Variants in SKOR2 observed in about 807,000 individuals in gnomAD.
SKOR2 encodes the protein SKI family transcriptional corepressor 2, also known as LBX1 corepressor 1-like protein.
SKOR2 carries 47 observed loss-of-function variants against 69.1 expected under a neutral mutation model. The ratio of observed to expected loss-of-function variants is 0.68; its 90% CI spans 0.54 to 0.87. SKOR2 has a LOEUF of 0.87. Among genes scored for constraint, SKOR2 ranks in the 40% least tolerant of loss-of-function variants. SKOR2 has a pLI of 0.00. For missense variants in SKOR2, 1,404 were observed against 1,472.2 expected (o/e 0.95, Z 0.76); for synonymous variants, 717 against 672.6 (o/e 1.07, Z -1.02).
In SKOR2 at chr18:47,209,180, G is replaced by A. The variant is rs191740497; in HGVS notation, c.*4-2288C>T. ...AAAAAAATGTGCAGATCAGTGATAT[G>A]TGGCAGTACTCGCTCAGCTTATTAA... On this transcript the variant is annotated intron_variant, in intron 8 of 8. Transcript: ENST00000425639. Among the ~76,000 whole-genome samples the A allele has an allele frequency of 2.8e-4, 43 of 152,166 alleles. No individual in the cohort carries two copies. The East Asian group carries it at 6.8e-3, about 24-fold the overall frequency.
Position 47,208,566 on chromosome 18 carries a change from A to G in SKOR2, c.*4-1674T>C, listed in dbSNP as rs117169583. Among the ~76,000 whole-genome samples, 449 of 152,334 alleles carry G rather than the reference A, an allele frequency of 2.9e-3. 9 individuals carry two copies. In the East Asian group the frequency reaches 0.058, roughly 20 times the overall value. ...TGCAAAATGTTTAAATGTGTTTGGG[A>G]GAAAATGAATGTAAAGTAATAATTA... is the stretch of plus-strand genomic sequence containing the variant. On this transcript the variant is annotated intron_variant, in intron 8 of 8. Coordinates refer to ENST00000425639, the MANE Select transcript of SKOR2 (RefSeq NM_001278063.4).
At chr18:47,224,615 T>C (rs1366592153) in intron 6 of SKOR2, among the ~76,000 whole-genome samples, 1 of 108,360 alleles carries the variant, frequency 9.2e-6, no homozygotes, top group African/African-American at 4.3e-5. Context: ...TAAAGAACCA[T>C]TGAACTTTTT....
intron 4 of SKOR2, among the ~76,000 whole-genome samples, chr18:47,237,360 C>T (rs1005179248): frequency 3.3e-5 from 5 of 152,172 alleles, no homozygotes; most frequent in Admixed American, 6.5e-5. Context: ...TATTAATTAG[C>T]GTATATGTCT....
rs35581562 is a variant in SKOR2 at position 47,223,903 on chromosome 18, C to CT, written c.2918-3894dup. Among the ~76,000 whole-genome samples the CT allele has an allele frequency of 2.6e-4, 38 of 146,146 alleles. 1 individual carries two copies. The highest frequency in any genetic ancestry group is 1.3e-3 in the Admixed American group (19 of 14,638). ...AAAAATCTAAAATTTTTTCTATGTTCTTTTTTTTTTTTTTAAATTTGAGGC... is the reference window on the plus strand; with the variant it reads ...AAAAATCTAAAATTTTTTCTATGTTCTTTTTTTTTTTTTTTAAATTTGAGGC... On this transcript the variant is annotated intron_variant, in intron 6 of 8. Transcript: ENST00000425639.
intron 1 of SKOR2, among the ~76,000 whole-genome samples, chr18:47,250,592 T>A (rs2064308083): frequency 6.6e-6 from 1 of 152,216 alleles, no homozygotes; most frequent in Non-Finnish European, 1.5e-5. Context: ...GTACACGATC[T>A]TACTCCCTCA....
intron 4 of SKOR2, among the ~76,000 whole-genome samples, chr18:47,233,532 G>T (rs144938102): frequency 1.5e-4 from 23 of 152,312 alleles, no homozygotes; most frequent in Non-Finnish European, 2.6e-4. Context: ...ATACAATATT[G>T]AATCTGAACA....
intron 6 of SKOR2, among the ~76,000 whole-genome samples, chr18:47,221,743 T>C (rs565377683): frequency 6.6e-6 from 1 of 152,344 alleles, no homozygotes; most frequent in South Asian, 2.1e-4. Flanking sequence ...CATGCTATGA[T>C]TAGTTGTTAT....
At chr18:47,237,438 A>G (rs1373007181) in intron 4 of SKOR2, among the ~76,000 whole-genome samples, 1 of 152,352 alleles carries the variant, frequency 6.6e-6, no homozygotes, top group East Asian at 1.9e-4. Flanking sequence ...AGCCAAACGA[A>G]TGGTCAGGTG....
In SKOR2 at chr18:47,247,077, G is replaced by A; in HGVS notation, c.2107C>T (p.Pro703Ser). 7.2e-7 allele frequency: 1 copy of A among 1,386,680 alleles called. No individual in the cohort carries two copies. The highest frequency in any genetic ancestry group is 9.3e-7 in the Non-Finnish European group (1 of 1,074,368). The allele number at this position is 1,386,680 out of a possible 1,614,324, so 85.9% of individuals were successfully genotyped here. ...PAPPPPPPPP[P>S]PPPLAQHPHH... ...GGGTGCTGGGCCAGAGGGGGCGGCG[G>A]GGGCGGCGGCGGCGGCGGCGGCGGG... Residue 703 changes from proline (P) to serine (S), a missense_variant, in exon 2 of 9, where the codon CCG (proline) becomes TCG (serine). Transcript: ENST00000425639. This position sits in a 1 kb window ranked among gnomAD's most constrained non-coding sequence, Gnocchi z 6.6.
intron 6 of SKOR2, among the ~76,000 whole-genome samples, chr18:47,224,308 C>T (rs1416794462): frequency 6.6e-6 from 1 of 152,194 alleles, no homozygotes; most frequent in Non-Finnish European, 1.5e-5. Flanking sequence ...TATAACCCAA[C>T]TATTTTTGGA....
At chr18:47,211,067 A>G (rs2144473801) in intron 8 of SKOR2, among the ~76,000 whole-genome samples, 1 of 152,354 alleles carries the variant, frequency 6.6e-6, no homozygotes, top group Admixed American at 6.5e-5. Flanking sequence ...TAATAAAGAT[A>G]ATGGCAAGAA....
rs1476866672 is a variant in SKOR2, at chr18:47,248,173, AGAGAGGCTGGCGGCTGCGGCC to A, written c.990_1010del (p.Ala331_Ser337del). 114 of 1,239,626 alleles carry A rather than the reference AGAGAGGCTGGCGGCTGCGGCC, an allele frequency of 9.2e-5. No homozygotes were observed. The Admixed American group carries it at 1.0e-3, about 11-fold the overall frequency. The allele number at this position is 1,239,626 out of a possible 1,614,324, so 76.8% of individuals were successfully genotyped here. A position where few individuals can be genotyped will look rare whatever the true frequency, so the allele number is the denominator to read the frequency against. ...CCGCGCCGCCCGAAGCAGCAGCCAC[AGAGAGGCTGGCGGCTGCGGCC>A]GAGAGGCTGGCGGCGGCCACTACGG... On this transcript the variant is annotated inframe_deletion, in exon 2 of 9. Transcript: ENST00000425639. This position sits in a 1 kb window ranked among gnomAD's most constrained non-coding sequence, Gnocchi z 6.4.
intron 4 of SKOR2, among the ~76,000 whole-genome samples, chr18:47,238,196 A>AT (rs941298557): frequency 2.0e-5 from 3 of 151,916 alleles, no homozygotes; most frequent in African/African-American, 7.3e-5. Flanking sequence ...TTTTGTTTTG[A>AT]TTTTTTTTAA....
At chr18:47,212,875 G>A (rs1005835631) in intron 7 of SKOR2, among the ~76,000 whole-genome samples, 3 of 152,078 alleles carry the variant, frequency 2.0e-5, no homozygotes, top group Admixed American at 2.0e-4. Flanking sequence ...GAGGTGGGAA[G>A]AACGCTTGAG....
intron 6 of SKOR2, among the ~76,000 whole-genome samples, chr18:47,225,989 G>A (rs1366880424): frequency 6.6e-6 from 1 of 152,114 alleles, no homozygotes; most frequent in Non-Finnish European, 1.5e-5. Context: ...AGAGTTTTAG[G>A]AAGACAGGGC....
At chr18:47,246,401 T>A (rs1481579020) in intron 2 of SKOR2, among the ~76,000 whole-genome samples, 170 bp downstream of exon 2, 3 of 152,218 alleles carry the variant, frequency 2.0e-5, no homozygotes, top group Admixed American at 2.0e-4. Context: ...GAAACCACAT[T>A]TTTACGGAGG....
At position 47,247,878 on chromosome 18, in the gene SKOR2, C is replaced by T. The variant is rs1391210286; in HGVS notation, c.1306G>A (p.Gly436Ser). Reference protein sequence around the residue: ...DAGAAAEALGGAGAGGAGAAP... With the variant: ...DAGAAAEALGSAGAGGAGAAP... Reference sequence around the variant, plus strand: ...GCGCCCGCGCCGCCTGCGCCCGCGCCCCCCAGGGCCTCAGCGGCGGCACCC... The same window carrying T: ...GCGCCCGCGCCGCCTGCGCCCGCGCTCCCCAGGGCCTCAGCGGCGGCACCC... The change falls in exon 2 of 9, where the codon GGC becomes AGC. Residue 436 changes from glycine (G) to serine (S), a missense_variant. Physicochemically the swap from Gly to Ser is moderately conservative, Grantham distance 56 (BLOSUM62 0). This residue lies in a region of SKOR2 where 1,266 missense variants were observed against 1,309.9 expected (regional missense o/e 0.97). Coordinates refer to ENST00000425639, the MANE Select transcript of SKOR2 (RefSeq NM_001278063.4). The surrounding 1 kb of genome is among the most constrained non-coding windows in gnomAD (Gnocchi z 6.6). 5 of 1,356,070 alleles carry T rather than the reference C, an allele frequency of 3.7e-6. No individual in the cohort carries two copies. The highest frequency in any genetic ancestry group is 3.7e-5 in the South Asian group (2 of 54,406). The allele number at this position is 1,356,070 out of a possible 1,614,324, so 84.0% of individuals were successfully genotyped here.
Position 47,246,723 on chromosome 18 carries a change from G to C in SKOR2, c.2461C>G (p.Gln821Glu). The change falls in exon 2 of 9, where the codon CAG becomes GAG. Residue 821 changes from glutamine (Q) to glutamate (E), a missense_variant. Gln to Glu is a conservative substitution (Grantham distance 29, BLOSUM62 2). Transcript: ENST00000425639. ...PLGLNSSRLL[Q>E]EDGKLGDPGS... is the part of the protein sequence containing the mutation. ...GGGTCCCCGAGTTTCCCGTCTTCCTGCAGCAGCCTGGAGGAGTTCAGGCCG... is the reference window on the plus strand; with the variant it reads ...GGGTCCCCGAGTTTCCCGTCTTCCTCCAGCAGCCTGGAGGAGTTCAGGCCG... 1.4e-6 allele frequency: 2 copies of C among 1,445,706 alleles called. No individual in the cohort carries two copies. The highest frequency in any genetic ancestry group is 1.8e-6 in the Non-Finnish European group (2 of 1,112,710). 89.6% of individuals were successfully genotyped at this position (1,445,706 alleles called of 1,614,324 possible).
chr18:47,238,305 TTTTTCTTTTC>T (rs1446610912), intron 4 of SKOR2, among the ~76,000 whole-genome samples: 109 of 148,914 alleles, frequency 7.3e-4, no homozygotes, highest in African/African-American at 2.6e-3. Context: ...GTAAATAATT[TTTTTCTTTTC>T]TTTTCTTTTT....
Sources: allele counts gnomAD v4.1 joint callset (sites outside exome capture counted in the v4.1 genomes callset), GRCh38; gene constraint gnomAD v4.1.1; regional missense constraint gnomAD v4.1.1; non-coding constraint Gnocchi (gnomAD v3.1); transcripts MANE v1.5; gene names NCBI Gene and HGNC (gene_info 2026-07-23, HGNC 2026-07-21).